Variants in INPP4B observed in about 807,000 individuals in gnomAD.
INPP4B encodes inositol polyphosphate-4-phosphatase type II B.
INPP4B carries 55 observed loss-of-function variants against 122.5 expected under a neutral mutation model. That is an observed-to-expected ratio of 0.45 (90% confidence interval 0.36 to 0.56). The LOEUF (loss-of-function observed/expected upper bound fraction) is 0.56. INPP4B is among the 20% of genes least tolerant of loss of function. The pLI is 0.00. For missense variants in INPP4B, 1,000 were observed against 1,097.7 expected (o/e 0.91, Z 1.26); for synonymous variants, 403 against 388.7 (o/e 1.04, Z -0.43).
In INPP4B at chr4:142,541,288, T is replaced by C. The variant is rs190931523; in HGVS notation, c.-190-78562A>G. Reference sequence around the variant, plus strand: ...ACTGAGGTGTAGAGAAATCTTCACATAGCTGTAAGTCAGATTTAAATCCAG... The same window carrying C: ...ACTGAGGTGTAGAGAAATCTTCACACAGCTGTAAGTCAGATTTAAATCCAG... On this transcript the variant is annotated intron_variant, in intron 2 of 25. Transcript: ENST00000262992. 4.6e-5 allele frequency among the ~76,000 whole-genome samples: 7 copies of C among 152,296 alleles called. No individual in the cohort carries two copies. The East Asian group carries it at 7.7e-4, about 17-fold the overall frequency.
chr4:142,264,374 A>C (rs1360476652), intron 10 of INPP4B, among the ~76,000 whole-genome samples: 1 of 152,212 alleles, frequency 6.6e-6, no homozygotes, highest in African/African-American at 2.4e-5. Flanking sequence ...AAGGAGTCAA[A>C]GGTGACTCCA....
chr4:142,255,910 A>G (rs1365062791), intron 11 of INPP4B, among the ~76,000 whole-genome samples: 1 of 147,464 alleles, frequency 6.8e-6, no homozygotes, highest in Admixed American at 6.8e-5. Context: ...CATTTTTTTC[A>G]GCACCACACC....
At chr4:142,134,721 T>C (rs928846761) in intron 18 of INPP4B, among the ~76,000 whole-genome samples, 2 of 136,006 alleles carry the variant, frequency 1.5e-5, no homozygotes, top group Non-Finnish European at 1.5e-5. Flanking sequence ...CACTTGAACC[T>C]GGGGGACGGA....
rs1167281544 is a variant in INPP4B at position 142,581,549 on chromosome 4, ATTT to A, written c.-190-118826_-190-118824del. Among the ~76,000 whole-genome samples, 323 of 57,334 alleles carry A rather than the reference ATTT, an allele frequency of 5.6e-3. 16 individuals are homozygous for A. Among genetic ancestry groups the A allele is most frequent in the African/African-American group, 0.017 (315 of 18,322 alleles). 37.6% of individuals were successfully genotyped at this position (57,334 alleles called of 152,430 possible). On this transcript the variant is annotated intron_variant, in intron 2 of 25. Transcript: ENST00000262992. The stretch of plus-strand genomic sequence containing the variant: ...TCTATTAGAAATAGATAGAAGTTCC[ATTT>A]CTATCTATTAGAAATAGATAGAAGT...
chr4:142,712,104 G>A (rs925969285), intron 2 of INPP4B, among the ~76,000 whole-genome samples: 2 of 152,118 alleles, frequency 1.3e-5, no homozygotes, highest in African/African-American at 2.4e-5. Flanking sequence ...CATCACTTTT[G>A]CACCTTCTAC....
intron 2 of INPP4B, among the ~76,000 whole-genome samples, chr4:142,637,108 C>T (rs1560899968): frequency 6.6e-6 from 1 of 152,144 alleles, no homozygotes; most frequent in Non-Finnish European, 1.5e-5. Context: ...CATGAACCAT[C>T]CCTTTCTAAA....
At chr4:142,418,787 G>A (rs1018808880) in intron 5 of INPP4B, among the ~76,000 whole-genome samples, 1 of 152,156 alleles carries the variant, frequency 6.6e-6, no homozygotes, top group African/African-American at 2.4e-5. Context: ...TAAAATTGAA[G>A]CCATTGGAAG....
intron 25 of INPP4B, among the ~76,000 whole-genome samples, chr4:142,059,331 C>G (rs933062703): frequency 6.6e-6 from 1 of 152,104 alleles, no homozygotes; most frequent in South Asian, 2.1e-4. Flanking sequence ...GTGCCCCATA[C>G]TTTTCTTAGG....
chr4:142,331,328 G>A (rs1774430497), intron 7 of INPP4B, among the ~76,000 whole-genome samples: 1 of 152,190 alleles, frequency 6.6e-6, no homozygotes, highest in Non-Finnish European at 1.5e-5. Flanking sequence ...AGGGACAGTA[G>A]AGCAGGCCCC....
At position 142,766,516 on chromosome 4, in the gene INPP4B, G is replaced by T; in HGVS notation, c.-253-40615C>A. Reference sequence around the variant, plus strand: ...CTCCCGAGTAGCTGGGATTACAGCCGTGCACCACCGCACTCAGCTAATTTT... The same window carrying T: ...CTCCCGAGTAGCTGGGATTACAGCCTTGCACCACCGCACTCAGCTAATTTT... On this transcript the variant is annotated intron_variant, in intron 1 of 25. Transcript: ENST00000262992. Among the ~76,000 whole-genome samples the T allele has an allele frequency of 2.0e-5, 3 of 151,750 alleles. No homozygotes were observed. The South Asian group carries it at 6.3e-4, about 32-fold the overall frequency.
chr4:142,257,681 A>G (rs1460340162), intron 11 of INPP4B, among the ~76,000 whole-genome samples: 1 of 152,260 alleles, frequency 6.6e-6, no homozygotes, highest in Non-Finnish European at 1.5e-5. Flanking sequence ...GAGAACTACA[A>G]ACCACTGCTC....
chr4:142,118,842 T>A (rs1252664325), intron 21 of INPP4B, among the ~76,000 whole-genome samples: 1 of 152,032 alleles, frequency 6.6e-6, no homozygotes. Context: ...GAAACCACCA[T>A]CAGAGTGAAC....
At chr4:142,377,945 G>T (rs2148810888) in intron 7 of INPP4B, among the ~76,000 whole-genome samples, 1 of 152,228 alleles carries the variant, frequency 6.6e-6, no homozygotes, top group South Asian at 2.1e-4. Flanking sequence ...ACCTTTTGGA[G>T]TCAGATACCG....
At chr4:142,397,401 A>G (rs1471616299) in intron 7 of INPP4B, among the ~76,000 whole-genome samples, 1 of 152,214 alleles carries the variant, frequency 6.6e-6, no homozygotes, top group African/African-American at 2.4e-5. Flanking sequence ...TTTTCCATGA[A>G]TAATTGACCA....
intron 1 of INPP4B, among the ~76,000 whole-genome samples, chr4:142,827,818 C>A (rs1197748099): frequency 6.6e-6 from 1 of 152,128 alleles, no homozygotes; most frequent in African/African-American, 2.4e-5. Flanking sequence ...TGGACAAGAA[C>A]TATGTGCTAG....
intron 1 of INPP4B, among the ~76,000 whole-genome samples, chr4:142,807,455 G>T (rs1423641858): frequency 6.6e-6 from 1 of 152,194 alleles, no homozygotes; most frequent in African/African-American, 2.4e-5. Flanking sequence ...ATGGGAGGGG[G>T]AGGGCAATGA....
chr4:142,678,170 C>T (rs1240358617), intron 2 of INPP4B, among the ~76,000 whole-genome samples: 2 of 151,824 alleles, frequency 1.3e-5, no homozygotes, highest in Non-Finnish European at 2.9e-5. Flanking sequence ...TGATGACAGG[C>T]TGCCACATTA....
intron 1 of INPP4B, among the ~76,000 whole-genome samples, chr4:142,745,683 A>C (rs942205590): frequency 6.6e-6 from 1 of 151,842 alleles, no homozygotes; most frequent in African/African-American, 2.4e-5. Flanking sequence ...GCCTACAAAA[A>C]AGTCGATTTA....
In INPP4B at chr4:142,794,887, C is replaced by A. The variant is rs183358062; in HGVS notation, c.-254+51322G>T. On this transcript the variant is annotated intron_variant, in intron 1 of 25. Coordinates refer to ENST00000262992, the MANE Select transcript of INPP4B (RefSeq NM_001101669.3). ...AATACATTCATACACTGTAAGCTAA[C>A]AATACAAATCCTAGGTGTGTGTGTA... 5.4e-3 allele frequency among the ~76,000 whole-genome samples: 817 copies of A among 151,828 alleles called. 2 individuals are homozygous for A. Among genetic ancestry groups the A allele is most frequent in the Middle Eastern group, 0.014 (4 of 288 alleles).
Sources: allele counts gnomAD v4.1 joint callset (sites outside exome capture counted in the v4.1 genomes callset), GRCh38; gene constraint gnomAD v4.1.1; transcripts MANE v1.5; gene names NCBI Gene and HGNC (gene_info 2026-07-23, HGNC 2026-07-21).